RPL23A: variants seen among roughly 807,000 people sequenced by gnomAD.
The protein encoded by RPL23A is large ribosomal subunit protein uL23.
RPL23A carries 2 observed loss-of-function variants against 17.6 expected under a neutral mutation model. The ratio of observed to expected loss-of-function variants is 0.11; its 90% CI spans 0.05 to 0.36. The LOEUF (loss-of-function observed/expected upper bound fraction) is 0.36. Ranked by LOEUF, RPL23A falls within the 10% of genes least tolerant of loss-of-function variation. RPL23A has a pLI of 1.00. For synonymous variants in RPL23A, 65 were observed against 74.3 expected (o/e 0.87, Z 0.65); for missense variants, 132 against 194.4 (o/e 0.68, Z 1.91).
chr17:28,721,180 C>G (rs2034108138), intron 2 of RPL23A: 1 of 279,774 alleles, frequency 3.6e-6, no homozygotes, highest in Admixed American at 4.8e-5. Context: ...TGGAGAAACC[C>G]CGCGTCTATT....
chr17:28,720,713 C>A lies in RPL23A; in HGVS notation c.32C>A (p.Ala11Asp). 1 of 1,614,018 alleles carries A rather than the reference C, an allele frequency of 6.2e-7. No homozygotes were observed. The highest frequency in any genetic ancestry group is 8.5e-7 in the Non-Finnish European group (1 of 1,179,920). Residue 11 changes from alanine (A) to aspartate (D), a missense_variant, in exon 2 of 5, where the codon GCC becomes GAC. By Grantham distance (126) the Ala-to-Asp change is moderately radical. Around this residue, in one of 2 missense-constraint regions of RPL23A, gnomAD observed 63 missense variants for 48.9 expected, o/e 1.29. Transcript: ENST00000422514. Reference protein sequence around the residue: MAPKAKKEAPAPPKAEAKAKA... With the variant: MAPKAKKEAPDPPKAEAKAKA... ...TTCTTTCCTTTTCTCCCAGCTCCTG[C>A]CCCTCCTAAAGCTGAAGCCAAAGCG... is the stretch of plus-strand genomic sequence containing the variant.
chr17:28,722,047 C>G (rs577700678), intron 2 of RPL23A: 1 of 152,268 alleles, frequency 6.6e-6, no homozygotes, highest in East Asian at 1.9e-4. Flanking sequence ...AGATTGAGAC[C>G]ATCGTGGCTA....
At chr17:28,723,238 T>TA (rs1245677960) in intron 3 of RPL23A, 1 of 540,206 alleles carries the variant, frequency 1.9e-6, no homozygotes, top group African/African-American at 1.9e-5. Flanking sequence ...CTGCTTTAGT[T>TA]ACAGACCTTT....
At chr17:28,723,023 C>T (rs2151725146) in intron 3 of RPL23A, 124 bp downstream of exon 3, 1 of 716,298 alleles carries the variant, frequency 1.4e-6, no homozygotes, top group East Asian at 2.7e-5. Context: ...CACGTGTAGT[C>T]CGAGCTATGC....
chr17:28,721,039 G>A, intron 2 of RPL23A, 149 bp downstream of exon 2: 1 of 740,796 alleles, frequency 1.3e-6, no homozygotes, highest in Non-Finnish European at 2.2e-6. Context: ...TGTTTCTGCT[G>A]CATTTACAAA....
intron 2 of RPL23A, 137 bp from the exon 3 acceptor site, chr17:28,722,586 C>CCAA: frequency 2.5e-6 from 2 of 799,482 alleles, no homozygotes; most frequent in South Asian, 1.3e-5. Flanking sequence ...TTTCAGGGTG[C>CCAA]AGATGATGAC....
intron 3 of RPL23A, 140 bp from the exon 4 acceptor site, chr17:28,723,431 G>A: frequency 1.3e-6 from 1 of 789,600 alleles, no homozygotes; most frequent in Non-Finnish European, 2.3e-6. Context: ...TGTCCTCTGG[G>A]CTAATGATGG....
In RPL23A at chr17:28,722,752, C is replaced by T. The variant is rs759848914; in HGVS notation, c.239C>T (p.Pro80Leu). 4 of 1,613,902 alleles carry T rather than the reference C, an allele frequency of 2.5e-6. No individual in the cohort carries two copies. Among genetic ancestry groups the T allele is most frequent in the Non-Finnish European group, 3.4e-6 (4 of 1,179,960 alleles). Reference protein sequence around the residue: ...KLDHYAIIKFPLTTESAMKKI... With the variant: ...KLDHYAIIKFLLTTESAMKKI... ...GACCACTATGCTATCATCAAGTTTC[C>T]GCTGACCACTGAGTCTGCCATGAAG... is the stretch of plus-strand genomic sequence containing the variant. Residue 80 changes from proline to leucine, a missense_variant, in exon 3 of 5, where the codon CCG becomes CTG. Pro to Leu is a moderately conservative substitution (Grantham distance 98, BLOSUM62 -3). Coordinates refer to ENST00000422514, the MANE Select transcript of RPL23A (RefSeq NM_000984.6).
At chr17:28,720,254 C>T (rs1381322738) in intron 1 of RPL23A, 4 of 1,542,234 alleles carry the variant, frequency 2.6e-6, no homozygotes, top group Admixed American at 2.0e-5. Context: ...AGGCATCATC[C>T]GCCAGGGAGG....
chr17:28,722,120 G>A (rs548073324), intron 2 of RPL23A, among the ~76,000 whole-genome samples: 6 of 149,092 alleles, frequency 4.0e-5, no homozygotes, highest in East Asian at 4.0e-4. Flanking sequence ...GGTGGCAGGC[G>A]CCGCTAGTCC....
rs775257488 is a variant in RPL23A, at chr17:28,723,925, C to G, written c.*44C>G. The stretch of plus-strand genomic sequence containing the variant: ...ATTCTGAATATATATATATATATAT[C>G]TTTTCACCATATACATGCCTGTCTG... On this transcript the variant is annotated 3_prime_UTR_variant, in exon 5 of 5. Transcript: ENST00000422514. 3 of 1,184,324 alleles carry G rather than the reference C, an allele frequency of 2.5e-6. No individual in the cohort carries two copies. Among genetic ancestry groups the G allele is most frequent in the Non-Finnish European group, 3.5e-6 (3 of 858,218 alleles). 73.4% of individuals were successfully genotyped at this position (1,184,324 alleles called of 1,614,324 possible). A position where few individuals can be genotyped will look rare whatever the true frequency, so the allele number is the denominator to read the frequency against.
At chr17:28,720,550 G>T in intron 1 of RPL23A, 157 bp from the exon 2 acceptor site, 1 of 1,395,682 alleles carries the variant, frequency 7.2e-7, no homozygotes, top group Non-Finnish European at 1.0e-6. Context: ...CTCTGGTATC[G>T]TGCATATGAT....
intron 2 of RPL23A, chr17:28,721,233 T>C: frequency 4.2e-6 from 1 of 235,872 alleles, no homozygotes; most frequent in Non-Finnish European, 8.6e-6. Context: ...ATGTCTGTAA[T>C]CCCAGCTACT....
chr17:28,723,470 G>C (rs2034152832), intron 3 of RPL23A, 101 bp from the exon 4 acceptor site: 1 of 858,336 alleles, frequency 1.2e-6, no homozygotes. Flanking sequence ...AGAATGACAT[G>C]AACAAAGGAA....
At position 28,724,046 on chromosome 17, in the gene RPL23A, C is replaced by G. The variant is rs1328976812; in HGVS notation, c.*165C>G. 1.8e-6 allele frequency: 1 copy of G among 559,376 alleles called. No homozygotes were observed. Among genetic ancestry groups the G allele is most frequent in the Non-Finnish European group, 3.1e-6 (1 of 323,224 alleles). The allele number at this position is 559,376 out of a possible 1,614,324, so 34.7% of individuals were successfully genotyped here. A position where few individuals can be genotyped will look rare whatever the true frequency, so the allele number is the denominator to read the frequency against. The stretch of plus-strand genomic sequence containing the variant: ...CTACTTATCCTTTTGAAATACCTCA[C>G]CCTGCCACTCCACCATGTATGATCA... On this transcript the variant is annotated 3_prime_UTR_variant, in exon 5 of 5. Transcript: ENST00000422514.
chr17:28,722,262 AAG>A (rs2034129089), intron 2 of RPL23A: 1 of 220,134 alleles, frequency 4.5e-6, no homozygotes, highest in Non-Finnish European at 9.3e-6. Context: ...AAAAAAAAAA[AAG>A]GAATTTGCCC....
intron 2 of RPL23A, 38 bp from the exon 3 acceptor site, chr17:28,722,685 T>A: frequency 6.3e-7 from 1 of 1,584,932 alleles, no homozygotes; most frequent in Non-Finnish European, 8.7e-7. Flanking sequence ...TCCAAAAGAA[T>A]GGGCCCAGGC....
intron 2 of RPL23A, chr17:28,721,644 TGGG>T (rs962115579): frequency 3.9e-5 from 6 of 152,032 alleles, no homozygotes; most frequent in Admixed American, 2.0e-4. Context: ...AAGGAACAGT[TGGG>T]GGGGAATGGG....
At chr17:28,721,069 A>T in intron 2 of RPL23A, 179 bp downstream of exon 2, 1 of 601,250 alleles carries the variant, frequency 1.7e-6, no homozygotes. Flanking sequence ...ATCAGCCCAG[A>T]GGCCGGGCGC....
Sources: allele counts gnomAD v4.1 joint callset (sites outside exome capture counted in the v4.1 genomes callset), GRCh38; gene constraint gnomAD v4.1.1; regional missense constraint gnomAD v4.1.1; transcripts MANE v1.5; gene names NCBI Gene and HGNC (gene_info 2026-07-23, HGNC 2026-07-21).